Variants in TRAPPC11 observed in about 807,000 individuals in gnomAD.
The protein encoded by TRAPPC11 is trafficking protein particle complex subunit 11.
Under a neutral mutation model 151.2 loss-of-function variants are expected in TRAPPC11, and 104 were observed. That is an observed-to-expected ratio of 0.69 (90% CI 0.59 to 0.81). The LOEUF (loss-of-function observed/expected upper bound fraction) is 0.81, where lower values mean the gene tolerates loss of function less well. Among genes scored for constraint, TRAPPC11 ranks in the 30% least tolerant of loss-of-function variants. TRAPPC11 has a pLI of 0.00. For missense variants in TRAPPC11, 1,230 were observed against 1,349.6 expected, an observed-to-expected ratio of 0.91 and a Z score of 1.39; for synonymous variants, 456 against 472.3, an observed-to-expected ratio of 0.97 and a Z score of 0.45.
chr4:183,665,451 C>A (rs1044409019), intron 2 of TRAPPC11, among the ~76,000 whole-genome samples: 1 of 152,216 alleles, frequency 6.6e-6, no homozygotes, highest in African/African-American at 2.4e-5. Flanking sequence ...GAGCCCAGCA[C>A]AAGCCCTCTT....
intron 3 of TRAPPC11, 51 bp downstream of exon 3, chr4:183,666,477 T>C (rs1400365228): frequency 1.9e-6 from 3 of 1,562,074 alleles, no homozygotes; most frequent in South Asian, 1.2e-5. Context: ...ATGTGTGTTA[T>C]TCACTAACAT....
At chr4:183,681,584 T>C (rs1735693954) in intron 10 of TRAPPC11, among the ~76,000 whole-genome samples, 1 of 152,020 alleles carries the variant, frequency 6.6e-6, no homozygotes, top group African/African-American at 2.4e-5. Flanking sequence ...ATCGAGACCA[T>C]CCTGGCTAAC....
Position 183,674,878 on chromosome 4 carries a change from T to C in TRAPPC11, c.660+66T>C. On this transcript the variant is annotated intron_variant, in intron 6 of 29. Transcript: ENST00000334690. The stretch of plus-strand genomic sequence containing the variant: ...ATTATTATTATTTTTGAGGTGATTA[T>C]TACATGTTCTTAATACTTTAATGTT... 4 of 976,966 alleles carry C rather than the reference T, an allele frequency of 4.1e-6. No individual in the cohort carries two copies. In the Admixed American group the frequency reaches 9.7e-5, roughly 24 times the overall value. 60.5% of individuals were successfully genotyped at this position (976,966 alleles called of 1,614,324 possible). A position where few individuals can be genotyped will look rare whatever the true frequency, so the allele number is the denominator to read the frequency against.
chr4:183,705,405 C>G (rs1417897573), intron 27 of TRAPPC11, among the ~76,000 whole-genome samples: 1 of 152,096 alleles, frequency 6.6e-6, no homozygotes, highest in Non-Finnish European at 1.5e-5. Flanking sequence ...TGAAATTTTC[C>G]TAGTTAACTC....
At position 183,693,154 on chromosome 4, in the gene TRAPPC11, C is replaced by A; in HGVS notation, c.2237+7C>A. The A allele has an allele frequency of 6.3e-7, 1 of 1,579,332 alleles. No individual in the cohort carries two copies. The highest frequency in any genetic ancestry group is 1.1e-5 in the South Asian group (1 of 87,312). On this transcript the variant is annotated splice_region_variant and intron_variant, in intron 20 of 29. Transcript: ENST00000334690. ...TAATTCAGGCAAGCACAATGTAAGTCTGCTTTGCTAAGCTGATATTAAAGG... is the reference window on the plus strand; with the variant it reads ...TAATTCAGGCAAGCACAATGTAAGTATGCTTTGCTAAGCTGATATTAAAGG...
chr4:183,691,509 TAAA>T, intron 19 of TRAPPC11, 38 bp downstream of exon 19: 1 of 1,249,872 alleles, frequency 8.0e-7, no homozygotes. Context: ...TTTTTAATAA[TAAA>T]AGTATGTTTA....
chr4:183,669,512 C>G (rs1429331341), intron 5 of TRAPPC11, among the ~76,000 whole-genome samples: 3 of 152,226 alleles, frequency 2.0e-5, no homozygotes, highest in Non-Finnish European at 4.4e-5. Flanking sequence ...TGGGCTCTCT[C>G]TTACTCAACA....
intron 27 of TRAPPC11, among the ~76,000 whole-genome samples, chr4:183,706,182 A>G (rs1018455148): frequency 2.0e-5 from 3 of 152,214 alleles, no homozygotes; most frequent in African/African-American, 7.2e-5. Flanking sequence ...TGCTTATTCT[A>G]GTTTAGGAAC....
chr4:183,660,003 A>T (rs1734387881), intron 1 of TRAPPC11, among the ~76,000 whole-genome samples: 1 of 152,062 alleles, frequency 6.6e-6, no homozygotes, highest in African/African-American at 2.4e-5. Flanking sequence ...CCCTTGCATT[A>T]CTTGATCTCC....
intron 29 of TRAPPC11, among the ~76,000 whole-genome samples, chr4:183,711,838 A>G (rs1264154255): frequency 6.6e-6 from 1 of 152,226 alleles, no homozygotes; most frequent in Non-Finnish European, 1.5e-5. Context: ...GCTATTGTAT[A>G]TCTGTATAAT....
At chr4:183,703,865 T>C (rs1281204485) in intron 26 of TRAPPC11, among the ~76,000 whole-genome samples, 2 of 152,240 alleles carry the variant, frequency 1.3e-5, no homozygotes, top group South Asian at 2.1e-4. Context: ...TCCATAAATA[T>C]TGGAACACCA....
intron 27 of TRAPPC11, 140 bp downstream of exon 27, chr4:183,705,210 C>T: frequency 1.8e-6 from 1 of 547,774 alleles, no homozygotes; most frequent in Non-Finnish European, 3.4e-6. Flanking sequence ...AGTCTTGCTT[C>T]CTCTCTACTT....
At chr4:183,681,640 T>C (rs916478848) in intron 10 of TRAPPC11, among the ~76,000 whole-genome samples, 1 of 151,392 alleles carries the variant, frequency 6.6e-6, no homozygotes, top group Admixed American at 6.6e-5. Flanking sequence ...ATTAGCCGGG[T>C]GTGGTGGCGG....
At chr4:183,687,297 GTGTATA>G (rs1404008360) in intron 18 of TRAPPC11, among the ~76,000 whole-genome samples, 15 of 115,620 alleles carry the variant, frequency 1.3e-4, no homozygotes, top group African/African-American at 2.7e-4. Context: ...CTGTGTGTGT[GTGTATA>G]TATATATATA....
intron 23 of TRAPPC11, among the ~76,000 whole-genome samples, chr4:183,694,940 C>T (rs1196182335): frequency 9.4e-5 from 13 of 138,858 alleles, no homozygotes; most frequent in Non-Finnish European, 1.4e-4. Flanking sequence ...GCTTATATGG[C>T]TTTTCTTTTT....
chr4:183,674,388 A>C (rs1735304682), intron 5 of TRAPPC11, among the ~76,000 whole-genome samples: 1 of 149,074 alleles, frequency 6.7e-6, no homozygotes, highest in African/African-American at 2.5e-5. Flanking sequence ...ACTGCACTCC[A>C]GCCTGGGTAG....
chr4:183,667,127 C>T lies in TRAPPC11; in HGVS notation c.442C>T (p.Pro148Ser). Reference sequence around the variant, plus strand: ...GATTCAGAAGAAAACCCCTTTGCCCCCAGGTATCAGAAGTCTAATTAATGA... The same window carrying T: ...GATTCAGAAGAAAACCCCTTTGCCCTCAGGTATCAGAAGTCTAATTAATGA... Reference protein sequence around the residue: ...VLIQKKTPLPPGEDVIASERA... With the variant: ...VLIQKKTPLPSGEDVIASERA... The change falls in exon 4 of 30, where the codon CCA becomes TCA. Residue 148 changes from proline (P) to serine (S), a missense_variant. Coordinates refer to ENST00000334690, the MANE Select transcript of TRAPPC11 (RefSeq NM_021942.6). 2 of 1,601,268 alleles carry T rather than the reference C, an allele frequency of 1.2e-6. No homozygotes were observed. Among genetic ancestry groups the T allele is most frequent in the Non-Finnish European group, 8.5e-7 (1 of 1,171,374 alleles).
At chr4:183,665,308 A>C (rs886352169) in intron 2 of TRAPPC11, among the ~76,000 whole-genome samples, 5 of 151,856 alleles carry the variant, frequency 3.3e-5, no homozygotes, top group Admixed American at 6.6e-5. Context: ...GTTAGCCAGG[A>C]TGGTCTCGAT....
chr4:183,674,938 A>G, intron 6 of TRAPPC11, 126 bp downstream of exon 6: 2 of 638,992 alleles, frequency 3.1e-6, no homozygotes, highest in Non-Finnish European at 5.1e-6. Flanking sequence ...GTTTTTTTCA[A>G]TGCTTTTAAA....
Sources: gnomAD v4.1 joint callset for allele counts (sites outside exome capture counted in the v4.1 genomes callset) on GRCh38, gnomAD v4.1.1 for gene constraint, MANE v1.5 for transcripts, NCBI Gene and HGNC (gene_info 2026-07-23, HGNC 2026-07-21) for gene names.